DSCAM: variants seen among roughly 807,000 people sequenced by gnomAD.
DSCAM encodes DS cell adhesion molecule, also known as cell adhesion molecule DSCAM.
Under a neutral mutation model 217.7 loss-of-function variants are expected in DSCAM, and 47 were observed. The observed-to-expected ratio is 0.22, with a 90% CI of 0.17 to 0.28. DSCAM has a LOEUF of 0.28. DSCAM is among the 10% of genes least tolerant of loss of function. DSCAM has a pLI of 1.00. For synonymous variants in DSCAM, 1,056 were observed against 1,015.3 expected, an observed-to-expected ratio of 1.04 and a Z score of -0.76; for missense variants, 2,080 against 2,618.3, an observed-to-expected ratio of 0.79 and a Z score of 4.49.
At chr21:40,398,561 G>A (rs1029994419) in intron 3 of DSCAM, among the ~76,000 whole-genome samples, 4 of 151,864 alleles carry the variant, frequency 2.6e-5, no homozygotes, top group Non-Finnish European at 5.9e-5. Context: ...TGTCTGCTCC[G>A]CTAACTTTGG....
chr21:40,443,620 T>A (rs1206263125), intron 3 of DSCAM, among the ~76,000 whole-genome samples: 1 of 152,238 alleles, frequency 6.6e-6, no homozygotes, highest in Admixed American at 6.5e-5. Context: ...ACATTATTTT[T>A]AAATAGTAAA....
rs146833289 is a variant in DSCAM at position 40,451,251 on chromosome 21, A to T, written c.509-82006T>A. 1.5e-3 allele frequency among the ~76,000 whole-genome samples: 233 copies of T among 152,344 alleles called. 1 individual carries two copies. The highest frequency in any genetic ancestry group is 5.5e-3 in the African/African-American group (227 of 41,578). On this transcript the variant is annotated intron_variant, in intron 3 of 32. Coordinates refer to ENST00000400454, the MANE Select transcript of DSCAM (RefSeq NM_001389.5). ...GGCCAGTCTCCAGCATTTATAAAAA[A>T]GAACAGGAGGTATTTTAATGAAAGG...
At chr21:40,319,609 T>C (rs1202405157) in intron 8 of DSCAM, among the ~76,000 whole-genome samples, 1 of 152,146 alleles carries the variant, frequency 6.6e-6, no homozygotes. Context: ...CACCCAGTAG[T>C]GGAATTACTG....
chr21:40,174,724 C>T (rs1160204111), intron 15 of DSCAM, among the ~76,000 whole-genome samples: 1 of 152,126 alleles, frequency 6.6e-6, no homozygotes, highest in Non-Finnish European at 1.5e-5. Context: ...CAAGCAGGAA[C>T]TCAAGAGGAA....
intron 18 of DSCAM, among the ~76,000 whole-genome samples, chr21:40,142,250 A>G (rs970699351): frequency 6.6e-6 from 1 of 152,202 alleles, no homozygotes; most frequent in Non-Finnish European, 1.5e-5. Context: ...TGTTCTAGAT[A>G]GAGATGGAGG....
At chr21:40,431,535 A>T (rs2075532180) in intron 3 of DSCAM, among the ~76,000 whole-genome samples, 1 of 152,196 alleles carries the variant, frequency 6.6e-6, no homozygotes, top group South Asian at 2.1e-4. Context: ...CAATGTGAAG[A>T]TGATGAAGAC....
intron 3 of DSCAM, among the ~76,000 whole-genome samples, chr21:40,646,001 C>T (rs919101829): frequency 6.6e-6 from 1 of 152,026 alleles, no homozygotes; most frequent in African/African-American, 2.4e-5. Flanking sequence ...TGAAAAGATA[C>T]CGTTCTTGGA....
intron 3 of DSCAM, among the ~76,000 whole-genome samples, chr21:40,479,686 C>A (rs1012192625): frequency 1.3e-5 from 2 of 152,108 alleles, no homozygotes; most frequent in Non-Finnish European, 2.9e-5. Context: ...AATTACCTCC[C>A]ACTGGGTCCC....
At chr21:40,530,389 G>A (rs548186417) in intron 3 of DSCAM, among the ~76,000 whole-genome samples, 1 of 152,290 alleles carries the variant, frequency 6.6e-6, no homozygotes, top group South Asian at 2.1e-4. Flanking sequence ...CAGCCCTTCA[G>A]TTGACTGGTT....
At chr21:40,530,719 A>T (rs961931727) in intron 3 of DSCAM, among the ~76,000 whole-genome samples, 1 of 152,112 alleles carries the variant, frequency 6.6e-6, no homozygotes, top group African/African-American at 2.4e-5. Context: ...CCCTAAACCC[A>T]CATTTCCTCA....
At chr21:40,321,823 G>T (rs559377566) in intron 8 of DSCAM, among the ~76,000 whole-genome samples, 1 of 152,016 alleles carries the variant, frequency 6.6e-6, no homozygotes, top group South Asian at 2.1e-4. Flanking sequence ...TCAGCCATAG[G>T]GGCTCTTACA....
chr21:40,671,025 A>C (rs540747013), intron 3 of DSCAM, among the ~76,000 whole-genome samples: 2 of 152,362 alleles, frequency 1.3e-5, no homozygotes, highest in Admixed American at 1.3e-4. Flanking sequence ...GGACCTAAAA[A>C]GAACTTAAAA....
chr21:40,170,621 G>A (rs1444338505), intron 15 of DSCAM, among the ~76,000 whole-genome samples: 1 of 152,158 alleles, frequency 6.6e-6, no homozygotes, highest in Non-Finnish European at 1.5e-5. Flanking sequence ...CTCTTAGGCA[G>A]GAAACTTTGG....
chr21:40,093,213 A>T (rs986166658), intron 21 of DSCAM, among the ~76,000 whole-genome samples: 2 of 152,186 alleles, frequency 1.3e-5, no homozygotes, highest in Admixed American at 1.3e-4. Context: ...AAATGTGAAG[A>T]TATTATATTC....
chr21:40,403,629 G>GCACACACACACACA (rs3069908), intron 3 of DSCAM, among the ~76,000 whole-genome samples: 1 of 145,892 alleles, frequency 6.9e-6, no homozygotes, highest in South Asian at 2.3e-4. Context: ...GCATGCATGT[G>GCACACACACACACA]CACACACACA....
At chr21:40,059,520 C>T (rs1441990610) in intron 28 of DSCAM, among the ~76,000 whole-genome samples, 2 of 152,130 alleles carry the variant, frequency 1.3e-5, no homozygotes, top group Non-Finnish European at 2.9e-5. Context: ...CCCTGGGGAC[C>T]TAGACTGAGT....
intron 3 of DSCAM, among the ~76,000 whole-genome samples, chr21:40,559,152 A>C (rs543406367): frequency 1.4e-5 from 2 of 146,204 alleles, no homozygotes; most frequent in African/African-American, 4.9e-5. Context: ...GCACATTTGG[A>C]AGAATGAATT....
At chr21:40,744,100 G>C (rs1390448791) in intron 1 of DSCAM, among the ~76,000 whole-genome samples, 1 of 152,164 alleles carries the variant, frequency 6.6e-6, no homozygotes, top group Non-Finnish European at 1.5e-5. Flanking sequence ...AATTGACACA[G>C]ACTCATGGTT....
intron 10 of DSCAM, among the ~76,000 whole-genome samples, chr21:40,277,724 C>T (rs935905921): frequency 6.6e-6 from 1 of 150,572 alleles, no homozygotes; most frequent in African/African-American, 2.4e-5. Context: ...ACTTCCGCCT[C>T]CTGGGTTCAA....
Sources: allele counts gnomAD v4.1 joint callset (sites outside exome capture counted in the v4.1 genomes callset), GRCh38; gene constraint gnomAD v4.1.1; transcripts MANE v1.5; gene names NCBI Gene and HGNC (gene_info 2026-07-23, HGNC 2026-07-21).